Variants in SLC24A2 observed in about 807,000 individuals in gnomAD.
SLC24A2 encodes sodium/potassium/calcium exchanger 2.
Under a neutral mutation model 62.0 loss-of-function variants are expected in SLC24A2, and 36 were observed. That is an observed-to-expected ratio of 0.58 (90% CI 0.44 to 0.77). The LOEUF (loss-of-function observed/expected upper bound fraction) is 0.77. SLC24A2 is among the 30% of genes least tolerant of loss of function. The probability of loss-of-function intolerance (pLI) is 0.00; values close to 1 mark genes in which losing one functional copy is unlikely to be tolerated. For missense variants in SLC24A2, 846 were observed against 817.9 expected, an observed-to-expected ratio of 1.03 and a Z score of -0.42; for synonymous variants, 358 against 294.0, an observed-to-expected ratio of 1.22 and a Z score of -2.23.
intron 2 of SLC24A2, among the ~76,000 whole-genome samples, chr9:19,712,680 C>A (rs1391716793): frequency 6.6e-6 from 1 of 152,130 alleles, no homozygotes; most frequent in Non-Finnish European, 1.5e-5. Flanking sequence ...CTAGAATATA[C>A]CAAGCAAGTT....
intron 4 of SLC24A2, among the ~76,000 whole-genome samples, chr9:19,597,485 CG>C (rs1836732825): frequency 6.6e-6 from 1 of 152,170 alleles, no homozygotes; most frequent in African/African-American, 2.4e-5. Context: ...ATTATGCTAC[CG>C]GGGGTAGAGT....
chr9:20,215,266 G>A, the SLC24A2 span, among the ~76,000 whole-genome samples: 5 of 152,100 alleles, frequency 3.3e-5, no homozygotes, highest in Non-Finnish European at 5.9e-5. Context: ...CGAATCACAC[G>A]CCAAAGGTCT....
In SLC24A2 at chr9:19,513,151, A is replaced by AAGAT. The variant is rs1832779807; in HGVS notation, c.*2998_*3001dup. ...TATGTGTACATATAGATCTGGTATA[A>AAGAT]AGATATATATATATATATATATATG... On this transcript the variant is annotated 3_prime_UTR_variant, in exon 11 of 11. Coordinates refer to ENST00000341998, the MANE Select transcript of SLC24A2 (RefSeq NM_020344.4). The AAGAT allele has an allele frequency of 1.6e-5, 1 of 64,076 alleles. No individual in the cohort carries two copies. Among genetic ancestry groups the AAGAT allele is most frequent in the East Asian group, 8.6e-4 (1 of 1,168 alleles). The allele number at this position is 64,076 out of a possible 1,614,324, so 4.0% of individuals were successfully genotyped here.
chr9:20,247,055 T>A, the SLC24A2 span, among the ~76,000 whole-genome samples: 1 of 152,244 alleles, frequency 6.6e-6, no homozygotes, highest in Non-Finnish European at 1.5e-5. Context: ...ACCACTTATA[T>A]CTTGAGCTTA....
At chr9:19,646,710 A>C (rs913784360) in intron 2 of SLC24A2, among the ~76,000 whole-genome samples, 3 of 152,152 alleles carry the variant, frequency 2.0e-5, no homozygotes, top group African/African-American at 7.2e-5. Context: ...CTCTTCCCAC[A>C]ATATTACTTC....
chr9:19,531,866 T>G (rs1407371503), intron 8 of SLC24A2, among the ~76,000 whole-genome samples: 3 of 152,176 alleles, frequency 2.0e-5, no homozygotes, highest in Non-Finnish European at 4.4e-5. Context: ...AACATCTAGT[T>G]GTTTTGAGGA....
chr9:20,226,357 G>A, the SLC24A2 span, among the ~76,000 whole-genome samples: 4 of 152,188 alleles, frequency 2.6e-5, no homozygotes, highest in East Asian at 1.9e-4. Context: ...GACATCAGTC[G>A]GTAATGATTT....
At chr9:20,303,985 TA>T in the SLC24A2 span, among the ~76,000 whole-genome samples, 2 of 152,206 alleles carry the variant, frequency 1.3e-5, no homozygotes, top group African/African-American at 2.4e-5. Flanking sequence ...AGTGACCACA[TA>T]AGGTGTATCC....
intron 2 of SLC24A2, among the ~76,000 whole-genome samples, chr9:19,641,211 C>G (rs1158201554): frequency 6.6e-6 from 1 of 152,206 alleles, no homozygotes; most frequent in Non-Finnish European, 1.5e-5. Context: ...TCATGGTTGT[C>G]CCTCTGCTTT....
the SLC24A2 span, among the ~76,000 whole-genome samples, chr9:19,833,410 C>T: frequency 2.0e-5 from 3 of 152,178 alleles, no homozygotes; most frequent in Non-Finnish European, 4.4e-5. Context: ...GCTTAACAAA[C>T]GGCACACCAG....
chr9:19,647,886 A>G (rs1394971220), intron 2 of SLC24A2, among the ~76,000 whole-genome samples: 1 of 152,224 alleles, frequency 6.6e-6, no homozygotes, highest in Non-Finnish European at 1.5e-5. Context: ...TGAGTTGGAC[A>G]ATATCTATTT....
chr9:20,199,718 C>A, the SLC24A2 span, among the ~76,000 whole-genome samples: 2 of 150,350 alleles, frequency 1.3e-5, no homozygotes, highest in South Asian at 2.1e-4. Flanking sequence ...TTTCTTTTTT[C>A]TTTCTTTTTT....
chr9:20,139,372 A>G, the SLC24A2 span, among the ~76,000 whole-genome samples: 2 of 152,192 alleles, frequency 1.3e-5, no homozygotes, highest in Admixed American at 1.3e-4. Flanking sequence ...TGGCAGCAAT[A>G]TATACCTAAA....
At chr9:19,922,299 G>A in the SLC24A2 span, among the ~76,000 whole-genome samples, 1 of 152,106 alleles carries the variant, frequency 6.6e-6, no homozygotes, top group African/African-American at 2.4e-5. Context: ...ATTTTCAGGG[G>A]AGCCAAGAGA....
the SLC24A2 span, among the ~76,000 whole-genome samples, chr9:20,195,869 A>G: frequency 1.3e-5 from 2 of 152,118 alleles, no homozygotes; most frequent in African/African-American, 2.4e-5. Flanking sequence ...CTTAATTCAT[A>G]TGATAGCTAC....
At chr9:19,948,764 G>T in the SLC24A2 span, among the ~76,000 whole-genome samples, 1 of 146,510 alleles carries the variant, frequency 6.8e-6, no homozygotes, top group Non-Finnish European at 1.5e-5. Flanking sequence ...AGAATGGCGT[G>T]AACCCGGAAG....
chr9:19,947,805 AAAAAAAGAAAGAAAG>A, the SLC24A2 span, among the ~76,000 whole-genome samples: 6 of 59,200 alleles, frequency 1.0e-4, no homozygotes, highest in East Asian at 6.7e-4. Context: ...AAAAAAAAAA[AAAAAAAGAAAGAAAG>A]AAAGAAAGAA....
At chr9:20,050,332 C>T in the SLC24A2 span, among the ~76,000 whole-genome samples, 1 of 151,458 alleles carries the variant, frequency 6.6e-6, no homozygotes, top group Non-Finnish European at 1.5e-5. Context: ...ATGAGAATCG[C>T]TTGAACCTGG....
intron 9 of SLC24A2, among the ~76,000 whole-genome samples, chr9:19,524,212 G>C (rs373267544): frequency 3.5e-5 from 5 of 141,642 alleles, no homozygotes; most frequent in Non-Finnish European, 6.1e-5. Context: ...CCAATATTTT[G>C]TGATGCAGTT....
Sources: allele counts gnomAD v4.1 joint callset (sites outside exome capture counted in the v4.1 genomes callset), GRCh38; gene constraint gnomAD v4.1.1; transcripts MANE v1.5; gene names NCBI Gene and HGNC (gene_info 2026-07-23, HGNC 2026-07-21).